Variants in ZNF521 observed in about 807,000 individuals in gnomAD.
ZNF521 encodes the protein zinc finger protein 521, also known as LYST-interacting protein 3.
In ZNF521, 14 loss-of-function variants were observed where a neutral mutation model predicts 105.5. The observed-to-expected ratio is 0.13, with a 90% CI of 0.09 to 0.21. The LOEUF (loss-of-function observed/expected upper bound fraction) is 0.21. Ranked by LOEUF, ZNF521 falls within the 10% of genes least tolerant of loss-of-function variation. The pLI, the probability that ZNF521 is intolerant of heterozygous loss-of-function variation, is 1.00. For missense variants in ZNF521, 1,233 were observed against 1,629.7 expected, an observed-to-expected ratio of 0.76 and a Z score of 4.19; for synonymous variants, 635 against 606.0, an observed-to-expected ratio of 1.05 and a Z score of -0.70.
intron 5 of ZNF521, among the ~76,000 whole-genome samples, chr18:25,095,943 G>T (rs777890272): frequency 6.6e-6 from 1 of 152,114 alleles, no homozygotes; most frequent in Non-Finnish European, 1.5e-5. Context: ...AGCAATGGGG[G>T]TCCAGTGTCA....
intron 5 of ZNF521, among the ~76,000 whole-genome samples, chr18:25,138,281 A>T (rs1056422804): frequency 2.6e-5 from 4 of 152,222 alleles, no homozygotes; most frequent in African/African-American, 9.6e-5. Flanking sequence ...AACATATTTC[A>T]AAGAACTTGT....
At chr18:25,344,866 G>T (rs1182303861) in intron 2 of ZNF521, among the ~76,000 whole-genome samples, 2 of 152,168 alleles carry the variant, frequency 1.3e-5, no homozygotes, top group East Asian at 3.8e-4. Flanking sequence ...TGTGGCAACA[G>T]AATTAATGAC....
chr18:25,315,140 G>C (rs1912530741), intron 3 of ZNF521, among the ~76,000 whole-genome samples: 2 of 152,156 alleles, frequency 1.3e-5, no homozygotes, highest in Non-Finnish European at 2.9e-5. Context: ...TATATATTTT[G>C]ATAATCTGTC....
chr18:25,199,234 G>A (rs2035952161), intron 4 of ZNF521, among the ~76,000 whole-genome samples: 2 of 91,332 alleles, frequency 2.2e-5, no homozygotes, highest in Admixed American at 2.1e-4. Flanking sequence ...ATTACTATGA[G>A]GGGGAAAAAA....
intron 5 of ZNF521, among the ~76,000 whole-genome samples, chr18:25,136,502 G>C (rs2034736859): frequency 6.6e-6 from 1 of 152,146 alleles, no homozygotes; most frequent in African/African-American, 2.4e-5. Flanking sequence ...ATAGCCCTTT[G>C]AGGTATTACT....
chr18:25,154,603 C>T (rs2035109048), intron 5 of ZNF521, among the ~76,000 whole-genome samples: 1 of 152,088 alleles, frequency 6.6e-6, no homozygotes, highest in Admixed American at 6.5e-5. Flanking sequence ...GCCTTCAATA[C>T]CCTGAAATTT....
At position 25,291,804 on chromosome 18, in the gene ZNF521, G is replaced by A. The variant is rs147888568; in HGVS notation, c.220+30204C>T. On this transcript the variant is annotated intron_variant, in intron 3 of 7. Transcript: ENST00000361524. ...CTATTTTTCAATTGAGGAAACTCGA[G>A]AAAATAGAATTTCTGAGTTTCCAGA... Among the ~76,000 whole-genome samples the A allele has an allele frequency of 3.5e-3, 534 of 152,082 alleles. 2 individuals carry two copies. The highest frequency in any genetic ancestry group is 0.012 in the African/African-American group (504 of 41,466).
intron 3 of ZNF521, among the ~76,000 whole-genome samples, chr18:25,235,843 C>T (rs1906854383): frequency 6.6e-6 from 1 of 152,104 alleles, no homozygotes; most frequent in Non-Finnish European, 1.5e-5. Context: ...CAATTAGCAC[C>T]CCCTGTGGGT....
intron 3 of ZNF521, among the ~76,000 whole-genome samples, chr18:25,270,410 T>C (rs1216830098): frequency 2.0e-5 from 3 of 152,158 alleles, no homozygotes; most frequent in Non-Finnish European, 2.9e-5. Context: ...GACAGAACTC[T>C]TCCTAACTCA....
At chr18:25,348,609 C>G (rs973251773) in intron 2 of ZNF521, among the ~76,000 whole-genome samples, 12 of 152,160 alleles carry the variant, frequency 7.9e-5, no homozygotes, top group Admixed American at 5.2e-4. Context: ...TAGGAGAGAA[C>G]AGCACTGTGT....
At chr18:25,137,716 G>A (rs2034762963) in intron 5 of ZNF521, among the ~76,000 whole-genome samples, 1 of 152,140 alleles carries the variant, frequency 6.6e-6, no homozygotes, top group Non-Finnish European at 1.5e-5. Flanking sequence ...TCCCAGCAGT[G>A]AGCCTCAACC....
chr18:25,215,714 T>C (rs576635713), intron 4 of ZNF521, among the ~76,000 whole-genome samples: 2 of 152,256 alleles, frequency 1.3e-5, no homozygotes, highest in East Asian at 3.9e-4. Flanking sequence ...TGGAGGTAAG[T>C]ACAGAAAATC....
At chr18:25,256,418 T>C (rs1908509662) in intron 3 of ZNF521, among the ~76,000 whole-genome samples, 1 of 152,158 alleles carries the variant, frequency 6.6e-6, no homozygotes, top group Middle Eastern at 3.2e-3. Flanking sequence ...CCACAATTAA[T>C]TTTTTTAAGT....
Position 25,070,218 on chromosome 18 carries a change from T to C in ZNF521, c.3907-7477A>G, listed in dbSNP as rs8086202. ...ACACACTTAGGCCAGTTTTGAATGA[T>C]TCTGGCAATGAAGTTGCTATCATAC... On this transcript the variant is annotated intron_variant, in intron 7 of 7. Transcript: ENST00000361524. Among the ~76,000 whole-genome samples the C allele has an allele frequency of 4.3e-3, 659 of 152,314 alleles. 4 individuals are homozygous for C. The highest frequency in any genetic ancestry group is 0.015 in the African/African-American group (607 of 41,574).
intron 3 of ZNF521, among the ~76,000 whole-genome samples, chr18:25,271,894 A>C (rs577041113): frequency 6.6e-6 from 1 of 152,360 alleles, no homozygotes; most frequent in Admixed American, 6.5e-5. Context: ...ATTGGCAACA[A>C]AAGTCAAAAT....
chr18:25,096,427 T>C (rs2033853160), intron 5 of ZNF521, among the ~76,000 whole-genome samples: 1 of 152,222 alleles, frequency 6.6e-6, no homozygotes, highest in Non-Finnish European at 1.5e-5. Flanking sequence ...AGTTACCATT[T>C]GGATGCTCAA....
chr18:25,224,876 C>T lies in ZNF521; in HGVS notation c.3042G>A (p.Arg1014=), dbSNP rs2144730368. The change falls in exon 4 of 8, where the codon AGG becomes AGA. Residue 1014 remains arginine, a synonymous_variant. Transcript: ENST00000361524. The stretch of plus-strand genomic sequence containing the variant: ...CGCAGCGAAAGCCTGTCAGGGAATT[C>T]CTCAAGTCAGGGTGCATTTGGCAAT... ...LEHCQMHPDL[R]NSLTGFRCVV... is the part of the protein sequence containing the mutation. 6.2e-7 allele frequency: 1 copy of T among 1,614,018 alleles called. No individual in the cohort carries two copies. Among genetic ancestry groups the T allele is most frequent in the Non-Finnish European group, 8.5e-7 (1 of 1,180,012 alleles).
intron 2 of ZNF521, among the ~76,000 whole-genome samples, chr18:25,349,269 G>A (rs1031435742): frequency 2.0e-5 from 3 of 152,138 alleles, no homozygotes; most frequent in Non-Finnish European, 4.4e-5. Context: ...TCGCCGGCGC[G>A]AGCCTGGTCC....
At chr18:25,303,944 A>G (rs1206600484) in intron 3 of ZNF521, among the ~76,000 whole-genome samples, 2 of 152,228 alleles carry the variant, frequency 1.3e-5, no homozygotes, top group Non-Finnish European at 1.5e-5. Flanking sequence ...TCATTTTATA[A>G]TGAAGATAAT....
Sources: gnomAD v4.1 joint callset for allele counts (sites outside exome capture counted in the v4.1 genomes callset) on GRCh38, gnomAD v4.1.1 for gene constraint, MANE v1.5 for transcripts, NCBI Gene and HGNC (gene_info 2026-07-23, HGNC 2026-07-21) for gene names.